TSPAN32: variants seen among roughly 807,000 people sequenced by gnomAD.
The protein encoded by TSPAN32 is tetraspanin-32.
A neutral mutation model predicts 42.7 loss-of-function variants in TSPAN32; 47 were observed. The observed-to-expected ratio is 1.10, with a 90% confidence interval of 0.87 to 1.40. TSPAN32 has a LOEUF of 1.40. Ranked by LOEUF, TSPAN32 falls within the 40% of genes most tolerant of loss-of-function variation. The pLI is 0.00. For synonymous variants in TSPAN32, 175 were observed against 175.9 expected, an observed-to-expected ratio of 0.99 and a Z score of 0.04; for missense variants, 469 against 424.1, an observed-to-expected ratio of 1.11 and a Z score of -0.93.
intron 4 of TSPAN32, among the ~76,000 whole-genome samples, chr11:2,312,228 A>G (rs1380883669): frequency 2.6e-5 from 4 of 152,114 alleles, no homozygotes; most frequent in African/African-American, 9.7e-5. Context: ...TGGAGTTGGG[A>G]GGGAAGCAGG....
intron 3 of TSPAN32, among the ~76,000 whole-genome samples, chr11:2,306,044 C>CTGTGTGTGTGTGTGTGTGTG (rs1407139268): frequency 2.7e-4 from 11 of 40,904 alleles, no homozygotes; most frequent in African/African-American, 7.6e-4. Flanking sequence ...GTGCAGGTGC[C>CTGTGTGTGTGTGTGTGTGTG]TCTGTGTGTG....
intron 2 of TSPAN32, 71 bp downstream of exon 2, chr11:2,303,029 T>G: frequency 7.2e-7 from 1 of 1,390,500 alleles, no homozygotes; most frequent in Non-Finnish European, 1.0e-6. Context: ...CGAGCCCAGC[T>G]GGACGCCTCA....
intron 8 of TSPAN32, 68 bp downstream of exon 8, chr11:2,316,735 T>C: frequency 6.9e-7 from 1 of 1,455,728 alleles, no homozygotes; most frequent in Non-Finnish European, 9.2e-7. Flanking sequence ...AGGCATCTGC[T>C]CTGCCAGCTG....
chr11:2,317,912 T>C lies in TSPAN32; in HGVS notation c.951T>C (p.Gly317=). The change falls in exon 10 of 10, where the codon GGT becomes GGC. Residue 317 remains glycine, a synonymous_variant. Transcript: ENST00000182290. This position sits in a 1 kb window ranked among gnomAD's most constrained non-coding sequence, Gnocchi z 6.2. ...RGGLSGCPER[G]LSD The stretch of plus-strand genomic sequence containing the variant: ...GGCTCAGTGGGTGCCCTGAGCGGGG[T>C]CTCTCAGACTGACGTCAGGCCTTGG... The C allele has an allele frequency of 8.7e-7, 1 of 1,154,484 alleles. No individual in the cohort carries two copies. The highest frequency in any genetic ancestry group is 1.3e-6 in the Non-Finnish European group (1 of 761,052). 71.5% of individuals were successfully genotyped at this position (1,154,484 alleles called of 1,614,324 possible). A position where few individuals can be genotyped will look rare whatever the true frequency, so the allele number is the denominator to read the frequency against.
chr11:2,304,062 C>T lies in TSPAN32; in HGVS notation c.182-45C>T, dbSNP rs371232476. The T allele has an allele frequency of 1.4e-6, 2 of 1,460,088 alleles. No individual in the cohort carries two copies. Among genetic ancestry groups the T allele is most frequent in the Middle Eastern group, 1.7e-4 (1 of 5,800 alleles). 90.4% of individuals were successfully genotyped at this position (1,460,088 alleles called of 1,614,324 possible). A position where few individuals can be genotyped will look rare whatever the true frequency, so the allele number is the denominator to read the frequency against. ...CACCCAGGCTGTGTGCACTCAGGAC[C>T]TGTCCTGGGCACCCCTAACCCTCCT... On this transcript the variant is annotated intron_variant, in intron 2 of 9. Coordinates refer to ENST00000182290, the MANE Select transcript of TSPAN32 (RefSeq NM_139022.3). The surrounding 1 kb of genome is among the most constrained non-coding windows in gnomAD (Gnocchi z 4.8).
At chr11:2,305,378 C>CCG (rs1554938646) in intron 3 of TSPAN32, among the ~76,000 whole-genome samples, 3 of 151,414 alleles carry the variant, frequency 2.0e-5, no homozygotes, top group African/African-American at 7.3e-5. Flanking sequence ...CTGCCCCCCC[C>CCG]CCCAGAGGGT....
chr11:2,307,180 C>T (rs962859852), intron 3 of TSPAN32, among the ~76,000 whole-genome samples: 21 of 152,134 alleles, frequency 1.4e-4, no homozygotes, highest in African/African-American at 4.6e-4. Flanking sequence ...GCCCCATGCT[C>T]ACGCCTGTGC....
At chr11:2,312,591 A>T (rs760805460) in intron 4 of TSPAN32, among the ~76,000 whole-genome samples, 15 of 152,144 alleles carry the variant, frequency 9.9e-5, no homozygotes, top group Non-Finnish European at 1.8e-4. Flanking sequence ...GGCAGGGCTG[A>T]CCGAGAGCCT....
At position 2,313,138 on chromosome 11, in the gene TSPAN32, G is replaced by C. The variant is rs1019352049; in HGVS notation, c.355-516G>C. 3.3e-5 allele frequency among the ~76,000 whole-genome samples: 5 copies of C among 152,108 alleles called. No individual in the cohort carries two copies. Among genetic ancestry groups the C allele is most frequent in the Non-Finnish European group, 7.4e-5 (5 of 68,020 alleles). On this transcript the variant is annotated intron_variant, in intron 4 of 9. Transcript: ENST00000182290. This position sits in a 1 kb window ranked among gnomAD's most constrained non-coding sequence, Gnocchi z 9.1. The stretch of plus-strand genomic sequence containing the variant: ...CCAGATCTGGCCTCAGGTGCCCAAG[G>C]CTTCTCTGGTCAAAAGCCTTACCCG...
Position 2,313,774 on chromosome 11 carries a change from G to A in TSPAN32, c.456+19G>A, listed in dbSNP as rs1321454758. 2.6e-6 allele frequency: 4 copies of A among 1,565,330 alleles called. No individual in the cohort carries two copies. The Admixed American group carries it at 7.4e-5, about 29-fold the overall frequency. ...GGACGTGGTGAGCGTGGGGACGGCT[G>A]GGTGGCAGGGCGGTCAGCTTCTGCT... On this transcript the variant is annotated intron_variant, in intron 5 of 9. Transcript: ENST00000182290. The surrounding 1 kb of genome is among the most constrained non-coding windows in gnomAD (Gnocchi z 9.1).
chr11:2,315,305 C>T, intron 6 of TSPAN32: 1 of 1,177,618 alleles, frequency 8.5e-7, no homozygotes, highest in South Asian at 1.6e-5. Flanking sequence ...GGCTGGAGGC[C>T]TGGTGAGGGG....
Position 2,302,131 on chromosome 11 carries a change from G to C in TSPAN32, c.-19G>C, listed in dbSNP as rs2133277897. 7.4e-6 allele frequency: 11 copies of C among 1,478,618 alleles called. No homozygotes were observed. The highest frequency in any genetic ancestry group is 9.9e-6 in the Non-Finnish European group (11 of 1,114,796). 91.6% of individuals were successfully genotyped at this position (1,478,618 alleles called of 1,614,324 possible). ...AGGGAGGGGAAGGGAGGGGAGGAGA[G>C]GAGAGGAGAGGAACCGTCATGGGGC... On this transcript the variant is annotated 5_prime_UTR_variant, in exon 1 of 10. Coordinates refer to ENST00000182290, the MANE Select transcript of TSPAN32 (RefSeq NM_139022.3).
chr11:2,306,926 TGGAGGAGGGGGA>T (rs1848142046), intron 3 of TSPAN32: 1 of 96,764 alleles, frequency 1.0e-5, no homozygotes, highest in African/African-American at 4.3e-5. Context: ...GAGGAGGAGA[TGGAGGAGGGGGA>T]AGGAGGAGAA....
chr11:2,310,621 C>G (rs1374823429), intron 4 of TSPAN32, among the ~76,000 whole-genome samples: 2 of 152,246 alleles, frequency 1.3e-5, no homozygotes, highest in Non-Finnish European at 2.9e-5. Flanking sequence ...AATATGAAGT[C>G]AGTGTCCTTG....
chr11:2,304,894 C>T lies in TSPAN32; in HGVS notation c.279+690C>T, dbSNP rs1847987606. On this transcript the variant is annotated intron_variant, in intron 3 of 9. Transcript: ENST00000182290. This position sits in a 1 kb window ranked among gnomAD's most constrained non-coding sequence, Gnocchi z 4.8. ...TGTCCTGCCCCTGCTAGGCCCACAG[C>T]CCTCTTCTCTCACCCCAGCTGGGGC... Among the ~76,000 whole-genome samples, 1 of 152,158 alleles carries T rather than the reference C, an allele frequency of 6.6e-6. No homozygotes were observed. The highest frequency in any genetic ancestry group is 2.4e-5 in the African/African-American group (1 of 41,442).
intron 3 of TSPAN32, among the ~76,000 whole-genome samples, chr11:2,306,493 G>A (rs566071515): frequency 6.6e-6 from 1 of 152,250 alleles, no homozygotes; most frequent in East Asian, 1.9e-4. Flanking sequence ...AGGTCTGGGT[G>A]GGCCCATCCA....
intron 6 of TSPAN32, chr11:2,315,739 C>T: frequency 2.4e-6 from 3 of 1,228,000 alleles, no homozygotes; most frequent in South Asian, 2.8e-5. Flanking sequence ...CTCTGGGTGC[C>T]ATGCCCTGGG....
At chr11:2,302,610 G>C (rs1847820792) in intron 1 of TSPAN32, 2 of 572,464 alleles carry the variant, frequency 3.5e-6, no homozygotes, top group Middle Eastern at 4.6e-4. Flanking sequence ...GTCTGGGGAA[G>C]CTGGGCTGTG....
At position 2,314,311 on chromosome 11, in the gene TSPAN32, C is replaced by T. The variant is rs78437586; in HGVS notation, c.457-174C>T. On this transcript the variant is annotated intron_variant, in intron 5 of 9. Transcript: ENST00000182290. Reference sequence around the variant, plus strand: ...TGAGAGAGCTCCCCTTACCAGGGCCCGGCTGTGCAATGGCTGGAGCCCCAG... The same window carrying T: ...TGAGAGAGCTCCCCTTACCAGGGCCTGGCTGTGCAATGGCTGGAGCCCCAG... 6.9e-4 allele frequency among the ~76,000 whole-genome samples: 105 copies of T among 152,322 alleles called. 1 individual carries two copies. In the East Asian group the frequency reaches 0.019, roughly 27 times the overall value.
Sources: gnomAD v4.1 joint callset for allele counts (sites outside exome capture counted in the v4.1 genomes callset) on GRCh38, gnomAD v4.1.1 for gene constraint, Gnocchi (gnomAD v3.1) non-coding constraint, MANE v1.5 for transcripts, NCBI Gene and HGNC (gene_info 2026-07-23, HGNC 2026-07-21) for gene names.